Variants in KLHDC10 observed in about 807,000 individuals in gnomAD.
KLHDC10 encodes kelch domain containing 10.
KLHDC10 carries 24 observed loss-of-function variants against 56.1 expected under a neutral mutation model. The observed-to-expected ratio is 0.43, with a 90% CI of 0.31 to 0.60. KLHDC10 has a LOEUF of 0.60. KLHDC10 is among the 20% of genes least tolerant of loss of function. The probability of loss-of-function intolerance (pLI) is 0.11; values close to 1 mark genes in which losing one functional copy is unlikely to be tolerated. For synonymous variants in KLHDC10, 188 were observed against 207.1 expected (o/e 0.91, Z 0.79); for missense variants, 349 against 567.0 (o/e 0.62, Z 3.91).
intron 1 of KLHDC10, among the ~76,000 whole-genome samples, chr7:130,073,876 A>G (rs1795459207): frequency 6.6e-6 from 1 of 152,046 alleles, no homozygotes; most frequent in Non-Finnish European, 1.5e-5. Context: ...CTCCTGCCAT[A>G]ACTCCAATCC....
chr7:130,076,455 T>C (rs1795505017), intron 1 of KLHDC10, among the ~76,000 whole-genome samples: 1 of 152,216 alleles, frequency 6.6e-6, no homozygotes, highest in African/African-American at 2.4e-5. Flanking sequence ...ATTAAATGTT[T>C]TAAATGTTTT....
intron 1 of KLHDC10, among the ~76,000 whole-genome samples, chr7:130,088,319 G>A (rs1795719571): frequency 6.6e-6 from 1 of 151,690 alleles, no homozygotes; most frequent in African/African-American, 2.4e-5. Context: ...TCTGTCCCCA[G>A]GCTGGGGTGC....
chr7:130,072,416 A>ACAGC, intron 1 of KLHDC10, among the ~76,000 whole-genome samples: 1 of 152,332 alleles, frequency 6.6e-6, no homozygotes, highest in East Asian at 1.9e-4. Context: ...AAGACCAAGA[A>ACAGC]CAGCCATTTA....
intron 2 of KLHDC10, among the ~76,000 whole-genome samples, chr7:130,108,529 G>A (rs867284129): frequency 3.3e-4 from 47 of 141,184 alleles, no homozygotes; most frequent in Admixed American, 1.3e-3. Context: ...TGGGCAACGA[G>A]ACGAAACGCC....
chr7:130,094,610 C>T (rs1688811450), intron 1 of KLHDC10, among the ~76,000 whole-genome samples: 1 of 151,830 alleles, frequency 6.6e-6, no homozygotes, highest in South Asian at 2.1e-4. Context: ...TATAAAAATA[C>T]TTTTTTCTTT....
intron 1 of KLHDC10, among the ~76,000 whole-genome samples, chr7:130,089,064 C>G (rs946570012): frequency 1.3e-5 from 2 of 151,842 alleles, no homozygotes; most frequent in Non-Finnish European, 2.9e-5. Flanking sequence ...ATATAAAGTA[C>G]AAATGCAGGC....
At chr7:130,071,723 AATG>A (rs1795413622) in intron 1 of KLHDC10, among the ~76,000 whole-genome samples, 1 of 152,206 alleles carries the variant, frequency 6.6e-6, no homozygotes, top group African/African-American at 2.4e-5. Context: ...AACTATCAGG[AATG>A]ATGTGTTAAT....
intron 2 of KLHDC10, among the ~76,000 whole-genome samples, chr7:130,111,648 C>T (rs775151139): frequency 5.3e-5 from 8 of 152,084 alleles, no homozygotes; most frequent in Non-Finnish European, 1.0e-4. Context: ...GAGGTTGAAG[C>T]TGCAGTGCGC....
intron 1 of KLHDC10, among the ~76,000 whole-genome samples, chr7:130,076,188 A>G (rs1795500390): frequency 6.6e-6 from 1 of 152,094 alleles, no homozygotes; most frequent in African/African-American, 2.4e-5. Flanking sequence ...ATGAGAATCT[A>G]ATGCTTGATC....
At chr7:130,099,255 T>C (rs146057125) in intron 2 of KLHDC10, among the ~76,000 whole-genome samples, 2 of 152,336 alleles carry the variant, frequency 1.3e-5, no homozygotes, top group African/African-American at 4.8e-5. Flanking sequence ...TTTAGTTGTC[T>C]CATCAACTTT....
intron 1 of KLHDC10, among the ~76,000 whole-genome samples, chr7:130,093,922 T>G (rs566242185): frequency 6.6e-6 from 1 of 152,032 alleles, no homozygotes; most frequent in South Asian, 2.1e-4. Flanking sequence ...TGTTAATTAT[T>G]TTTGTTTGTT....
intron 1 of KLHDC10, among the ~76,000 whole-genome samples, chr7:130,075,847 A>G (rs1253934276): frequency 6.6e-6 from 1 of 152,184 alleles, no homozygotes; most frequent in Non-Finnish European, 1.5e-5. Context: ...TCAGTTTAAT[A>G]GGAATAGTTT....
intron 2 of KLHDC10, among the ~76,000 whole-genome samples, chr7:130,112,630 A>G (rs1346349808): frequency 1.3e-5 from 2 of 152,232 alleles, no homozygotes; most frequent in Admixed American, 1.3e-4. Context: ...TTCACCTAAT[A>G]AAAATTAATG....
In KLHDC10 at chr7:130,133,683, T is replaced by C; in HGVS notation, c.*2937T>C. 1 of 152,240 alleles carries C rather than the reference T, an allele frequency of 6.6e-6. No individual in the cohort carries two copies. The highest frequency in any genetic ancestry group is 1.9e-4 in the East Asian group (1 of 5,200). The allele number at this position is 152,240 out of a possible 1,614,324, so 9.4% of individuals were successfully genotyped here. A position where few individuals can be genotyped will look rare whatever the true frequency, so the allele number is the denominator to read the frequency against. On this transcript the variant is annotated 3_prime_UTR_variant, in exon 10 of 10. Coordinates refer to ENST00000335420, the MANE Select transcript of KLHDC10 (RefSeq NM_014997.4). ...TCATGTTTGCATGTCTTACATTTTG[T>C]TGCCGGAGAACAAGGAAGTCCATCT...
chr7:130,113,647 T>C (rs572931075), intron 2 of KLHDC10, among the ~76,000 whole-genome samples: 3 of 114,640 alleles, frequency 2.6e-5, no homozygotes, highest in Admixed American at 1.0e-4. Context: ...ATTTTTGACC[T>C]GAGTGAGTGA....
rs115637590 is a variant in KLHDC10 at position 130,101,382 on chromosome 7, C to T, written c.253+4375C>T. Among the ~76,000 whole-genome samples the T allele has an allele frequency of 7.0e-3, 1,061 of 152,264 alleles. 8 individuals are homozygous for T. The highest frequency in any genetic ancestry group is 0.024 in the African/African-American group (980 of 41,542). On this transcript the variant is annotated intron_variant, in intron 2 of 9. Transcript: ENST00000335420. Reference sequence around the variant, plus strand: ...AATAAAATGCAACCCAGAATAGATGCTCCTGTTGCATGGTGGAAGTCAGAG... The same window carrying T: ...AATAAAATGCAACCCAGAATAGATGTTCCTGTTGCATGGTGGAAGTCAGAG...
chr7:130,114,751 T>C (rs1244235192), intron 2 of KLHDC10, among the ~76,000 whole-genome samples: 1 of 152,116 alleles, frequency 6.6e-6, no homozygotes, highest in East Asian at 1.9e-4. Flanking sequence ...GGTACTGAAC[T>C]GGAAGGGTTC....
chr7:130,094,750 T>C (rs185194085), intron 1 of KLHDC10: 5 of 152,316 alleles, frequency 3.3e-5, no homozygotes, highest in African/African-American at 9.6e-5. Context: ...AATATGAGCA[T>C]ATTTAAGTAT....
At chr7:130,112,194 A>C (rs1355058252) in intron 2 of KLHDC10, among the ~76,000 whole-genome samples, 1 of 152,190 alleles carries the variant, frequency 6.6e-6, no homozygotes, top group Non-Finnish European at 1.5e-5. Context: ...ATTGGAAACA[A>C]CTTAACCTTC....
Sources: gnomAD v4.1 joint callset for allele counts (sites outside exome capture counted in the v4.1 genomes callset) on GRCh38, gnomAD v4.1.1 for gene constraint, MANE v1.5 for transcripts, NCBI Gene and HGNC (gene_info 2026-07-23, HGNC 2026-07-21) for gene names.